MYO5A: variants seen among roughly 807,000 people sequenced by gnomAD.
MYO5A encodes the protein unconventional myosin-Va.
Under a neutral mutation model 249.7 loss-of-function variants are expected in MYO5A, and 98 were observed. The ratio of observed to expected loss-of-function variants is 0.39; its 90% CI spans 0.33 to 0.46. MYO5A has a LOEUF of 0.46. MYO5A is among the 20% of genes least tolerant of loss of function. MYO5A has a pLI of 0.98. For synonymous variants in MYO5A, 778 were observed against 810.6 expected, an observed-to-expected ratio of 0.96 and a Z score of 0.68; for missense variants, 1,696 against 2,308.8, an observed-to-expected ratio of 0.73 and a Z score of 5.44.
At chr15:52,464,529 T>C (rs147483272) in intron 1 of MYO5A, among the ~76,000 whole-genome samples, 2 of 152,334 alleles carry the variant, frequency 1.3e-5, no homozygotes, top group East Asian at 1.9e-4. Context: ...GTGGGATTCT[T>C]TGTGTCCCTA....
chr15:52,332,340 C>T (rs913242487), intron 34 of MYO5A, among the ~76,000 whole-genome samples: 7 of 152,098 alleles, frequency 4.6e-5, no homozygotes, highest in African/African-American at 1.7e-4. Flanking sequence ...TAAACTATAA[C>T]CCATCAACAA....
intron 7 of MYO5A, 40 bp downstream of exon 7, chr15:52,408,012 TAACAGAA>T (rs778520221): frequency 1.6e-6 from 2 of 1,236,710 alleles, no homozygotes; most frequent in South Asian, 2.5e-5. Context: ...ACTTGGAAAT[TAACAGAA>T]AACAATACCA....
intron 25 of MYO5A, among the ~76,000 whole-genome samples, chr15:52,355,714 A>C (rs888394454): frequency 4.6e-5 from 7 of 152,202 alleles, no homozygotes; most frequent in African/African-American, 1.7e-4. Flanking sequence ...CTTAGGTATT[A>C]TAAGTAATGT....
At position 52,375,366 on chromosome 15, in the gene MYO5A, C is replaced by T. The variant is rs200977210; in HGVS notation, c.2515G>A (p.Ala839Thr). The T allele has an allele frequency of 4.3e-5, 70 of 1,614,004 alleles. No homozygotes were observed. The highest frequency in any genetic ancestry group is 3.3e-4 in the Middle Eastern group (2 of 6,084). ...VVRRRYKIRR[A>T]ATIVLQSYLR... ...TAAGACTGAAGAACGATAGTGGCAG[C>T]TCGTCTAATCTTGTACCTCCTGCGG... is the stretch of plus-strand genomic sequence containing the variant. Residue 839 changes from alanine to threonine, a missense_variant, in exon 20 of 42, where the codon GCT becomes ACT. By Grantham distance (58) the Ala-to-Thr change is moderately conservative. Transcript: ENST00000399233.
At chr15:52,402,182 A>G (rs2042790450) in intron 9 of MYO5A, among the ~76,000 whole-genome samples, 1 of 152,174 alleles carries the variant, frequency 6.6e-6, no homozygotes, top group Admixed American at 6.5e-5. Context: ...TATTTTCTGT[A>G]TGTAGTTTTT....
chr15:52,357,183 T>C (rs748175937), intron 25 of MYO5A, among the ~76,000 whole-genome samples: 35 of 152,114 alleles, frequency 2.3e-4, no homozygotes, highest in Non-Finnish European at 4.7e-4. Flanking sequence ...AATACTTATA[T>C]TGAAGCTTAT....
intron 1 of MYO5A, among the ~76,000 whole-genome samples, chr15:52,481,720 T>C (rs1293770362): frequency 6.6e-6 from 1 of 152,174 alleles, no homozygotes; most frequent in African/African-American, 2.4e-5. Flanking sequence ...TGGAACAGGA[T>C]AAAATACACA....
In MYO5A at chr15:52,367,103, CT is replaced by C. The variant is rs752056268; in HGVS notation, c.3087del (p.Glu1030LysfsTer5). 6.2e-7 allele frequency: 1 copy of C among 1,613,602 alleles called. No homozygotes were observed. The highest frequency in any genetic ancestry group is 8.5e-7 in the Non-Finnish European group (1 of 1,179,666). On this transcript the variant is annotated frameshift_variant, in exon 23 of 42. Coordinates refer to ENST00000399233, the MANE Select transcript of MYO5A (RefSeq NM_001382347.1). LOFTEE classifies it high-confidence loss of function. ...TTTTCTTGCTTCAGCAAAGTATTTT[CT>C]TCCTTCAGATTTGATACCAGCTACG... The part of the protein sequence containing the change: ...ETEQLVSNLK[E>X]ENTLLKQEKE...
intron 5 of MYO5A, among the ~76,000 whole-genome samples, chr15:52,413,616 T>C (rs937058147): frequency 6.6e-6 from 1 of 152,302 alleles, no homozygotes; most frequent in East Asian, 1.9e-4. Context: ...AGGGACATAG[T>C]ATTGAAGCGA....
intron 1 of MYO5A, among the ~76,000 whole-genome samples, chr15:52,520,847 G>A (rs1329108598): frequency 2.0e-5 from 3 of 152,080 alleles, no homozygotes; most frequent in Non-Finnish European, 4.4e-5. Context: ...ATTTAAAATG[G>A]CATATATTGA....
chr15:52,503,464 C>A lies in MYO5A; in HGVS notation c.27+25316G>T, dbSNP rs1005754569. On this transcript the variant is annotated intron_variant, in intron 1 of 41. Transcript: ENST00000399233. ...TGGGCAATATAGTGAGATGCTGTCT[C>A]TAAAAAAAAAAATAAAGAAATTTGC... Among the ~76,000 whole-genome samples, 46 of 14,344 alleles carry A rather than the reference C, an allele frequency of 3.2e-3. 1 individual carries two copies. Among genetic ancestry groups the A allele is most frequent in the African/African-American group, 0.017 (41 of 2,450 alleles). 9.4% of individuals were successfully genotyped at this position (14,344 alleles called of 152,430 possible).
chr15:52,519,545 G>C (rs556530079), intron 1 of MYO5A, among the ~76,000 whole-genome samples: 137 of 151,954 alleles, frequency 9.0e-4, no homozygotes, highest in Non-Finnish European at 1.6e-3. Context: ...CCAGGAGTTC[G>C]AGGCTGCAGT....
intron 1 of MYO5A, among the ~76,000 whole-genome samples, chr15:52,450,153 A>C (rs2075985178): frequency 6.6e-6 from 1 of 151,934 alleles, no homozygotes. Flanking sequence ...GACCCATCTC[A>C]AAAATAATAA....
chr15:52,328,747 C>A (rs2038731849), intron 35 of MYO5A, among the ~76,000 whole-genome samples: 1 of 152,236 alleles, frequency 6.6e-6, no homozygotes, highest in Admixed American at 6.5e-5. Flanking sequence ...CCAAAATCCT[C>A]ACCATAGCAT....
intron 5 of MYO5A, among the ~76,000 whole-genome samples, chr15:52,413,565 C>T (rs1365044977): frequency 1.3e-5 from 2 of 152,048 alleles, no homozygotes; most frequent in East Asian, 1.9e-4. Context: ...CTGGAGACGC[C>T]GATATGCCTT....
At chr15:52,387,270 T>G (rs1253947999) in intron 14 of MYO5A, among the ~76,000 whole-genome samples, 1 of 152,220 alleles carries the variant, frequency 6.6e-6, no homozygotes, top group Non-Finnish European at 1.5e-5. Flanking sequence ...TAGAAAGCAG[T>G]GTCTCTAGTA....
At chr15:52,392,118 A>T (rs1489307189) in intron 11 of MYO5A, 48 bp from the exon 12 acceptor site, 1 of 1,560,158 alleles carries the variant, frequency 6.4e-7, no homozygotes, top group Non-Finnish European at 8.8e-7. Context: ...CATTGTAACA[A>T]AGAATGTAGT....
At chr15:52,480,945 T>C (rs142330734) in intron 1 of MYO5A, among the ~76,000 whole-genome samples, 503 of 152,320 alleles carry the variant, frequency 3.3e-3, no homozygotes, top group Non-Finnish European at 6.1e-3. Context: ...GGATACAGCA[T>C]TGCACTTGCA....
intron 11 of MYO5A, among the ~76,000 whole-genome samples, chr15:52,394,779 G>C (rs1303152730): frequency 6.6e-6 from 1 of 152,238 alleles, no homozygotes; most frequent in Non-Finnish European, 1.5e-5. Flanking sequence ...CAATGGGAAA[G>C]AGTGAAAGGC....
Sources: allele counts gnomAD v4.1 joint callset (sites outside exome capture counted in the v4.1 genomes callset), GRCh38; gene constraint gnomAD v4.1.1; transcripts MANE v1.5; gene names NCBI Gene and HGNC (gene_info 2026-07-23, HGNC 2026-07-21).